PDE11A: variants seen among roughly 807,000 people sequenced by gnomAD.
PDE11A encodes phosphodiesterase 11A.
A neutral mutation model predicts 100.5 loss-of-function variants in PDE11A; 100 were observed. The ratio of observed to expected loss-of-function variants is 1.00; its 90% confidence interval spans 0.85 to 1.18. PDE11A has a LOEUF of 1.18. PDE11A is among the 50% of genes most tolerant of loss of function. The pLI is 0.00. For synonymous variants in PDE11A, 381 were observed against 420.8 expected, an observed-to-expected ratio of 0.91 and a Z score of 1.16; for missense variants, 1,141 against 1,152.6, an observed-to-expected ratio of 0.99 and a Z score of 0.15.
At chr2:177,925,450 T>C (rs922568776) in intron 2 of PDE11A, among the ~76,000 whole-genome samples, 4 of 152,008 alleles carry the variant, frequency 2.6e-5, no homozygotes, top group African/African-American at 7.3e-5. Context: ...TATCTCATTG[T>C]GGTTTTGATT....
chr2:178,014,446 AT>A lies in PDE11A; in HGVS notation c.926del (p.Asn309MetfsTer7). 6.2e-7 allele frequency: 1 copy of A among 1,613,212 alleles called. No homozygotes were observed. The highest frequency in any genetic ancestry group is 8.5e-7 in the Non-Finnish European group (1 of 1,179,262). On this transcript the variant is annotated frameshift_variant, in exon 2 of 20. Transcript: ENST00000286063. LOFTEE classifies it high-confidence loss of function. ...IPDAYQDRRF[N>X]DEIDKLTGYK... ...ATCCAGTTAGCTTGTCGATTTCATC[AT>A]TGAATCGTCGATCCTAAAAATAAGA...
intron 10 of PDE11A, among the ~76,000 whole-genome samples, chr2:177,742,523 C>T (rs549550661): frequency 1.3e-5 from 2 of 152,306 alleles, no homozygotes; most frequent in East Asian, 3.9e-4. Context: ...ACCACTCACT[C>T]AGTTCATTTG....
intron 2 of PDE11A, among the ~76,000 whole-genome samples, chr2:178,077,863 G>T (rs969456963): frequency 3.1e-4 from 47 of 151,642 alleles, no homozygotes; most frequent in Admixed American, 2.0e-3. Context: ...ACAAGCCAAG[G>T]AATATCCAGG....
At chr2:177,860,055 T>C (rs181540587) in intron 5 of PDE11A, among the ~76,000 whole-genome samples, 19 of 151,756 alleles carry the variant, frequency 1.3e-4, no homozygotes, top group African/African-American at 3.1e-4. Context: ...CACCTTAAGA[T>C]ACTAGAAAAA....
chr2:177,692,064 T>C (rs577104238), intron 15 of PDE11A, among the ~76,000 whole-genome samples: 218 of 152,302 alleles, frequency 1.4e-3, no homozygotes, highest in African/African-American at 5.2e-3. Context: ...ACTCTCTACT[T>C]ATATTAATTT....
chr2:177,649,543 T>C (rs1419828069), intron 19 of PDE11A, among the ~76,000 whole-genome samples: 1 of 152,212 alleles, frequency 6.6e-6, no homozygotes, highest in Non-Finnish European at 1.5e-5. Context: ...ACTATGCTCA[T>C]ATATGTTCAT....
chr2:177,895,689 C>G (rs530107051), intron 4 of PDE11A, among the ~76,000 whole-genome samples: 2 of 152,110 alleles, frequency 1.3e-5, no homozygotes, highest in African/African-American at 4.8e-5. Flanking sequence ...TCACTTATTT[C>G]TAGAATTTAA....
At chr2:177,878,453 G>A (rs1330675772) in intron 4 of PDE11A, among the ~76,000 whole-genome samples, 1 of 152,150 alleles carries the variant, frequency 6.6e-6, no homozygotes, top group South Asian at 2.1e-4. Flanking sequence ...GATGAAATAT[G>A]TGTGCTTGGA....
chr2:177,729,052 T>G (rs185279074), intron 10 of PDE11A, among the ~76,000 whole-genome samples: 3 of 152,134 alleles, frequency 2.0e-5, no homozygotes, highest in Non-Finnish European at 4.4e-5. Context: ...TTCCTATCTA[T>G]TCACTGGGTT....
chr2:177,919,258 T>C (rs1207589206), intron 2 of PDE11A, among the ~76,000 whole-genome samples: 4 of 148,442 alleles, frequency 2.7e-5, no homozygotes, highest in Non-Finnish European at 6.0e-5. Context: ...CCACCATGCC[T>C]GGCTAATTTT....
chr2:178,010,762 A>G (rs1275244808), intron 2 of PDE11A, among the ~76,000 whole-genome samples: 1 of 152,230 alleles, frequency 6.6e-6, no homozygotes, highest in Non-Finnish European at 1.5e-5. Flanking sequence ...ATATATTCGT[A>G]TGTGGACGCA....
chr2:177,817,994 C>T (rs2105582080), intron 7 of PDE11A, 69 bp from the exon 8 acceptor site: 1 of 797,208 alleles, frequency 1.3e-6, no homozygotes, highest in East Asian at 2.5e-5. Context: ...ATAGAGTAGC[C>T]ACAGCTAACT....
chr2:177,863,593 A>G (rs2105673938), intron 5 of PDE11A, among the ~76,000 whole-genome samples: 1 of 152,142 alleles, frequency 6.6e-6, no homozygotes, highest in East Asian at 1.9e-4. Context: ...GCTCAACATT[A>G]TCAACATCAT....
At chr2:177,820,722 G>A (rs944978367) in intron 6 of PDE11A, among the ~76,000 whole-genome samples, 2 of 151,822 alleles carry the variant, frequency 1.3e-5, no homozygotes, top group African/African-American at 2.4e-5. Flanking sequence ...TGCCTATAAT[G>A]CTGTCATATT....
At chr2:177,685,812 C>A (rs2080938625) in intron 15 of PDE11A, among the ~76,000 whole-genome samples, 2 of 152,186 alleles carry the variant, frequency 1.3e-5, no homozygotes, top group East Asian at 1.9e-4. Context: ...GGTCATCCAC[C>A]TGCCTCGGCC....
intron 2 of PDE11A, among the ~76,000 whole-genome samples, chr2:177,935,742 C>A (rs1458001296): frequency 6.6e-6 from 1 of 152,290 alleles, no homozygotes; most frequent in East Asian, 1.9e-4. Flanking sequence ...GCCAGAAGAC[C>A]TAGGTTTAAG....
At chr2:178,009,811 C>A (rs1216510382) in intron 2 of PDE11A, among the ~76,000 whole-genome samples, 1 of 152,146 alleles carries the variant, frequency 6.6e-6, no homozygotes, top group Non-Finnish European at 1.5e-5. Context: ...TTATCTCAGT[C>A]AAATGATTTA....
intron 2 of PDE11A, among the ~76,000 whole-genome samples, chr2:177,911,379 G>A (rs2084878818): frequency 6.6e-6 from 1 of 152,178 alleles, no homozygotes; most frequent in South Asian, 2.1e-4. Flanking sequence ...CAGAGGTATA[G>A]CTTCATTCAC....
intron 1 of PDE11A, among the ~76,000 whole-genome samples, chr2:178,026,794 G>C (rs1376624705): frequency 6.6e-6 from 1 of 151,998 alleles, no homozygotes; most frequent in African/African-American, 2.4e-5. Context: ...TTAATCAAAA[G>C]AGTATTATTT....
Sources: gnomAD v4.1 joint callset for allele counts (sites outside exome capture counted in the v4.1 genomes callset) on GRCh38, gnomAD v4.1.1 for gene constraint, MANE v1.5 for transcripts, NCBI Gene and HGNC (gene_info 2026-07-23, HGNC 2026-07-21) for gene names.